The following FRMD4A variants were observed in gnomAD, a reference collection of about 807,000 sequenced individuals.
FRMD4A encodes FERM domain-containing protein 4A.
Under a neutral mutation model 129.1 loss-of-function variants are expected in FRMD4A, and 29 were observed. The observed-to-expected ratio is 0.22, with a 90% CI of 0.17 to 0.31. The LOEUF is 0.31. Among genes scored for constraint, FRMD4A ranks in the 10% least tolerant of loss-of-function variants. The pLI is 1.00. For missense variants in FRMD4A, 1,272 were observed against 1,375.8 expected, an observed-to-expected ratio of 0.92 and a Z score of 1.19; for synonymous variants, 634 against 571.6, an observed-to-expected ratio of 1.11 and a Z score of -1.56.
At chr10:13,882,061 G>T (rs2797856) in intron 2 of FRMD4A, among the ~76,000 whole-genome samples, 20 of 150,008 alleles carry the variant, frequency 1.3e-4, no homozygotes, top group Non-Finnish European at 2.4e-4. Context: ...AAGAAAAGAA[G>T]TTTAAGAAAT....
At chr10:13,768,654 T>G (rs1380704520) in intron 6 of FRMD4A, among the ~76,000 whole-genome samples, 1 of 152,174 alleles carries the variant, frequency 6.6e-6, no homozygotes, top group Admixed American at 6.5e-5. Flanking sequence ...AAGATAATAG[T>G]GGCATGCCAT....
At chr10:13,999,013 C>G (rs539990995) in intron 2 of FRMD4A, among the ~76,000 whole-genome samples, 3 of 152,134 alleles carry the variant, frequency 2.0e-5, no homozygotes, top group South Asian at 2.1e-4. Context: ...CTGACCACCC[C>G]CATCTCACCC....
chr10:14,133,716 C>G (rs76290142), intron 2 of FRMD4A, among the ~76,000 whole-genome samples: 1 of 151,326 alleles, frequency 6.6e-6, no homozygotes, highest in Non-Finnish European at 1.5e-5. Context: ...GAGTAATCAA[C>G]CTTCACTACC....
At chr10:14,110,281 A>G (rs768999959) in intron 2 of FRMD4A, among the ~76,000 whole-genome samples, 1 of 152,080 alleles carries the variant, frequency 6.6e-6, no homozygotes, top group African/African-American at 2.4e-5. Context: ...AAGGTCATCC[A>G]AAACTTTGTC....
intron 2 of FRMD4A, among the ~76,000 whole-genome samples, chr10:13,923,888 G>A (rs954280319): frequency 1.3e-5 from 2 of 152,184 alleles, no homozygotes; most frequent in African/African-American, 2.4e-5. Context: ...TTTCAAGGTT[G>A]GCACAGTATT....
chr10:14,113,411 A>G (rs1046342521), intron 2 of FRMD4A, among the ~76,000 whole-genome samples: 1 of 152,182 alleles, frequency 6.6e-6, no homozygotes, highest in Non-Finnish European at 1.5e-5. Flanking sequence ...CAATTTTCTT[A>G]GCAACATTTT....
chr10:13,862,987 A>G (rs2094315098), intron 2 of FRMD4A, among the ~76,000 whole-genome samples: 1 of 148,536 alleles, frequency 6.7e-6, no homozygotes, highest in Admixed American at 6.8e-5. Context: ...TTCAGACACT[A>G]CGGGAGCCCT....
At chr10:14,019,275 G>A (rs73591227) in intron 2 of FRMD4A, among the ~76,000 whole-genome samples, 2,303 of 152,254 alleles carry the variant, frequency 0.015, 62 homozygotes, top group African/African-American at 0.053. Flanking sequence ...AAATTGAGAG[G>A]AGTTACATAG....
chr10:13,808,054 C>T (rs897829538), intron 4 of FRMD4A, among the ~76,000 whole-genome samples: 4 of 152,194 alleles, frequency 2.6e-5, no homozygotes, highest in African/African-American at 9.7e-5. Flanking sequence ...CCACCTCAGC[C>T]TCCCAAAGTG....
chr10:13,883,045 C>A (rs1468206981), intron 2 of FRMD4A, among the ~76,000 whole-genome samples: 1 of 151,890 alleles, frequency 6.6e-6, no homozygotes, highest in Non-Finnish European at 1.5e-5. Flanking sequence ...CTCAAGTGAT[C>A]CTCTCGCCTC....
chr10:13,701,286 A>C lies in FRMD4A; in HGVS notation c.975+54T>G, dbSNP rs2086808717. ...CCCCACCCATCCGATCCTCATTCCT[A>C]AACTAAGAGAGGCAGACAATGGCCC... On this transcript the variant is annotated intron_variant, in intron 14 of 24. Transcript: ENST00000357447. The C allele has an allele frequency of 7.7e-6, 12 of 1,560,092 alleles. No individual in the cohort carries two copies. The South Asian group carries it at 1.4e-4, about 18-fold the overall frequency.
intron 2 of FRMD4A, among the ~76,000 whole-genome samples, chr10:14,185,635 A>C (rs143037327): frequency 2.0e-5 from 3 of 152,268 alleles, no homozygotes; most frequent in African/African-American, 7.2e-5. Flanking sequence ...CTTCATGGTC[A>C]GAGAGCTGCA....
At chr10:14,215,049 A>ACAT (rs573885770) in intron 2 of FRMD4A, among the ~76,000 whole-genome samples, 61 of 152,354 alleles carry the variant, frequency 4.0e-4, no homozygotes, top group Admixed American at 3.9e-3. Flanking sequence ...TAAAGATAAA[A>ACAT]CATATACAGT....
intron 16 of FRMD4A, among the ~76,000 whole-genome samples, chr10:13,672,970 C>A (rs2083643539): frequency 6.6e-6 from 1 of 152,162 alleles, no homozygotes; most frequent in Admixed American, 6.5e-5. Flanking sequence ...TAAGAAGTGG[C>A]AGCTTTGTTT....
At chr10:13,707,180 G>T in intron 12 of FRMD4A, 67 bp from the exon 13 acceptor site, 1 of 980,308 alleles carries the variant, frequency 1.0e-6, no homozygotes, top group Non-Finnish European at 1.6e-6. Context: ...TCCCCTCTCT[G>T]CTGGTTAACT....
chr10:13,954,603 G>A (rs552568218), intron 2 of FRMD4A, among the ~76,000 whole-genome samples: 1 of 152,288 alleles, frequency 6.6e-6, no homozygotes, highest in South Asian at 2.1e-4. Flanking sequence ...GTCATGGGAA[G>A]GGGAATTGAG....
At chr10:14,055,038 T>C (rs1203358140) in intron 2 of FRMD4A, among the ~76,000 whole-genome samples, 1 of 152,062 alleles carries the variant, frequency 6.6e-6, no homozygotes, top group Non-Finnish European at 1.5e-5. Context: ...AGAGAAGAAG[T>C]TTACTCCCCA....
At chr10:13,785,367 CTG>C (rs1392178148) in intron 5 of FRMD4A, among the ~76,000 whole-genome samples, 2 of 152,196 alleles carry the variant, frequency 1.3e-5, no homozygotes, top group African/African-American at 4.8e-5. Flanking sequence ...AATGGACTGG[CTG>C]ATCTCTGCCC....
At chr10:13,717,671 A>T in intron 12 of FRMD4A, among the ~76,000 whole-genome samples, 3 of 114,202 alleles carry the variant, frequency 2.6e-5, no homozygotes, top group South Asian at 2.9e-4. Context: ...GACAGGCTTT[A>T]GGGAGAAACC....
Sources: allele counts gnomAD v4.1 joint callset (sites outside exome capture counted in the v4.1 genomes callset), GRCh38; gene constraint gnomAD v4.1.1; transcripts MANE v1.5; gene names NCBI Gene and HGNC (gene_info 2026-07-23, HGNC 2026-07-21).